ATP10B: variants seen among roughly 807,000 people sequenced by gnomAD.
ATP10B encodes ATPase phospholipid transporting 10B (putative).
Under a neutral mutation model 141.2 loss-of-function variants are expected in ATP10B, and 122 were observed. That is an observed-to-expected ratio of 0.86 (90% CI 0.75 to 1.00). The LOEUF (loss-of-function observed/expected upper bound fraction) is 1.00, where lower values mean the gene tolerates loss of function less well. ATP10B is among the 50% of genes least tolerant of loss of function. The pLI is 0.00. For synonymous variants in ATP10B, 685 were observed against 692.0 expected, an observed-to-expected ratio of 0.99 and a Z score of 0.16; for missense variants, 1,876 against 1,825.3, an observed-to-expected ratio of 1.03 and a Z score of -0.51.
intron 1 of ATP10B, among the ~76,000 whole-genome samples, chr5:160,787,561 C>A (rs1581532089): frequency 6.6e-6 from 1 of 152,114 alleles, no homozygotes; most frequent in African/African-American, 2.4e-5. Context: ...TTTCTCTTAT[C>A]CTTGTTAAAT....
intron 2 of ATP10B, among the ~76,000 whole-genome samples, chr5:160,738,502 T>C (rs17058177): frequency 0.026 from 3,890 of 150,646 alleles, 167 homozygotes; most frequent in African/African-American, 0.089. Flanking sequence ...TTAAAATTGA[T>C]ACGCCACTAT....
At chr5:160,892,271 C>T in the ATP10B span, among the ~76,000 whole-genome samples, 1 of 152,206 alleles carries the variant, frequency 6.6e-6, no homozygotes, top group Non-Finnish European at 1.5e-5. Context: ...TCTCAGGCCT[C>T]TCCCAATTTC....
chr5:160,616,351 G>T (rs1167577000), intron 16 of ATP10B, among the ~76,000 whole-genome samples: 4 of 152,190 alleles, frequency 2.6e-5, no homozygotes, highest in Admixed American at 2.0e-4. Context: ...TGAATAGGGG[G>T]CTGCCTTCTT....
intron 10 of ATP10B, among the ~76,000 whole-genome samples, chr5:160,636,974 A>C (rs1759428963): frequency 7.2e-6 from 1 of 139,314 alleles, no homozygotes; most frequent in Non-Finnish European, 1.6e-5. Context: ...CCATCCATCA[A>C]TCCCTCCATC....
In ATP10B at chr5:160,632,328, C is replaced by T. The variant is rs1187195563; in HGVS notation, c.1421G>A (p.Gly474Asp). Residue 474 changes from glycine to aspartate, a missense_variant, in exon 13 of 26, where the codon GGT becomes GAT. Transcript: ENST00000327245. ...LETPKELDSD[G>D]EEWTQYQCLS... is the part of the protein sequence containing the mutation. ...GCATTGGTATTGGGTCCACTCTTCA[C>T]CATCTGAGTCCAGCTCCTTTGGGGT... 6.2e-7 allele frequency: 1 copy of T among 1,614,210 alleles called. No homozygotes were observed.
At chr5:160,901,606 G>A in the ATP10B span, among the ~76,000 whole-genome samples, 1 of 152,170 alleles carries the variant, frequency 6.6e-6, no homozygotes, top group African/African-American at 2.4e-5. Context: ...TACACAAAGC[G>A]ATGCAATGAA....
intron 2 of ATP10B, among the ~76,000 whole-genome samples, chr5:160,759,789 C>T (rs991778146): frequency 1.1e-4 from 17 of 152,172 alleles, no homozygotes; most frequent in Non-Finnish European, 2.1e-4. Context: ...ATTTTCTTTT[C>T]GGAAACATCT....
the ATP10B span, among the ~76,000 whole-genome samples, chr5:160,874,503 C>T: frequency 6.6e-6 from 1 of 152,128 alleles, no homozygotes; most frequent in East Asian, 1.9e-4. Context: ...GAACACAGTT[C>T]CTCATCAGCA....
intron 1 of ATP10B, among the ~76,000 whole-genome samples, chr5:160,844,550 G>GT (rs35139185): frequency 0.015 from 2,182 of 143,110 alleles, 19 homozygotes; most frequent in South Asian, 0.036. Context: ...TAAATACTTT[G>GT]TTTTTTTTTT....
At chr5:160,811,841 G>A (rs146427610) in intron 1 of ATP10B, among the ~76,000 whole-genome samples, 1 of 152,108 alleles carries the variant, frequency 6.6e-6, no homozygotes, top group Non-Finnish European at 1.5e-5. Context: ...CCAGGGCCTT[G>A]AGCGCACATA....
chr5:160,743,156 A>G (rs1767589511), intron 2 of ATP10B, among the ~76,000 whole-genome samples: 1 of 152,184 alleles, frequency 6.6e-6, no homozygotes, highest in Non-Finnish European at 1.5e-5. Flanking sequence ...ATAAAACTGA[A>G]GCAGAGAGTT....
chr5:160,918,358 G>T, the ATP10B span, among the ~76,000 whole-genome samples: 1 of 152,210 alleles, frequency 6.6e-6, no homozygotes, highest in East Asian at 1.9e-4. Context: ...GTCTAGGGAC[G>T]TGGGCAGGGA....
At chr5:160,905,729 TA>T in the ATP10B span, among the ~76,000 whole-genome samples, 3 of 151,320 alleles carry the variant, frequency 2.0e-5, no homozygotes, top group Admixed American at 1.3e-4. Flanking sequence ...TATAATGTGT[TA>T]AAAAAAAATA....
intron 22 of ATP10B, among the ~76,000 whole-genome samples, chr5:160,596,201 A>T (rs897375594): frequency 1.3e-5 from 2 of 152,236 alleles, no homozygotes; most frequent in African/African-American, 4.8e-5. Flanking sequence ...ACCATGATCA[A>T]GTTGGCCTCA....
chr5:160,686,396 A>G (rs1763753388), intron 5 of ATP10B, 123 bp from the exon 6 acceptor site: 3 of 653,172 alleles, frequency 4.6e-6, no homozygotes, highest in African/African-American at 3.6e-5. Context: ...CACCTCAAAC[A>G]TTATGGTAAT....
At position 160,631,174 on chromosome 5, in the gene ATP10B, G is replaced by C. The variant is rs551514732; in HGVS notation, c.1620+955C>G. Among the ~76,000 whole-genome samples, 286 of 152,344 alleles carry C rather than the reference G, an allele frequency of 1.9e-3. 4 individuals are homozygous for C. Among genetic ancestry groups the C allele is most frequent in the African/African-American group, 6.7e-3 (277 of 41,584 alleles). On this transcript the variant is annotated intron_variant, in intron 13 of 25. Coordinates refer to ENST00000327245, the MANE Select transcript of ATP10B (RefSeq NM_025153.3). ...CCCTTTGGGTCCCATCTGTTAGTAT[G>C]TATCTCTTGTTCAAGATTGCTGGGG...
chr5:160,857,482 TCTTTG>T, the ATP10B span, among the ~76,000 whole-genome samples: 2 of 151,880 alleles, frequency 1.3e-5, no homozygotes, highest in African/African-American at 2.4e-5. Context: ...AAGAACCAGC[TCTTTG>T]CTTTGTTGAT....
chr5:160,584,252 A>T (rs140882644), intron 24 of ATP10B, among the ~76,000 whole-genome samples: 1 of 152,212 alleles, frequency 6.6e-6, no homozygotes, highest in African/African-American at 2.4e-5. Context: ...ACTGTTCCTC[A>T]TGGCTCCTCA....
chr5:160,849,862 G>C (rs1320383931), intron 1 of ATP10B, among the ~76,000 whole-genome samples: 1 of 152,100 alleles, frequency 6.6e-6, no homozygotes, highest in Non-Finnish European at 1.5e-5. Context: ...AAACTTTGTA[G>C]TTAAAAGAAT....
Sources: allele counts gnomAD v4.1 joint callset (sites outside exome capture counted in the v4.1 genomes callset), GRCh38; gene constraint gnomAD v4.1.1; transcripts MANE v1.5; gene names NCBI Gene and HGNC (gene_info 2026-07-23, HGNC 2026-07-21).